Variants in ZFYVE26 observed in about 807,000 individuals in gnomAD.
ZFYVE26 encodes the protein zinc finger FYVE domain-containing protein 26.
Under a neutral mutation model 276.5 loss-of-function variants are expected in ZFYVE26, and 181 were observed. The ratio of observed to expected loss-of-function variants is 0.65; its 90% confidence interval spans 0.58 to 0.74. The LOEUF (loss-of-function observed/expected upper bound fraction) is 0.74, where lower values mean the gene tolerates loss of function less well. Ranked by LOEUF, ZFYVE26 falls within the 30% of genes least tolerant of loss-of-function variation. The pLI is 0.00. For synonymous variants in ZFYVE26, 1,129 were observed against 1,203.1 expected (o/e 0.94, Z 1.27); for missense variants, 2,821 against 3,097.9 (o/e 0.91, Z 2.12).
At chr14:67,799,740 T>C in intron 10 of ZFYVE26, 2 of 709,484 alleles carry the variant, frequency 2.8e-6, no homozygotes, top group South Asian at 1.8e-5. Context: ...ATTTTTCAGA[T>C]TGACTAGGCC....
At chr14:67,785,783 A>G (rs2039634910) in intron 18 of ZFYVE26, 75 bp downstream of exon 18, 4 of 1,601,996 alleles carry the variant, frequency 2.5e-6, no homozygotes, top group Non-Finnish European at 3.4e-6. Context: ...CTCTGCTCCA[A>G]AGTGCTTCGT....
downstream of ZFYVE26, chr14:67,746,487 G>A (rs1207785273): frequency 6.6e-6 from 1 of 152,198 alleles, no homozygotes; most frequent in Non-Finnish European, 1.5e-5. Flanking sequence ...AAGGGTAGGA[G>A]CAAGACAGCA....
intron 21 of ZFYVE26, among the ~76,000 whole-genome samples, chr14:67,782,454 GC>G (rs2039525663): frequency 6.6e-6 from 1 of 152,132 alleles, no homozygotes; most frequent in Non-Finnish European, 1.5e-5. Flanking sequence ...GTAAACACTT[GC>G]CTGAGCTCTA....
chr14:67,782,541 A>C (rs1206776159), intron 21 of ZFYVE26, among the ~76,000 whole-genome samples: 1 of 152,158 alleles, frequency 6.6e-6, no homozygotes, highest in Non-Finnish European at 1.5e-5. Flanking sequence ...TACAGTATTG[A>C]GAATACTGGT....
intron 13 of ZFYVE26, among the ~76,000 whole-genome samples, chr14:67,736,990 G>A (rs1283435354): frequency 1.3e-5 from 2 of 152,150 alleles, no homozygotes; most frequent in Non-Finnish European, 2.9e-5. Context: ...GGCATGACCT[G>A]GGTGAGGGCA....
chr14:67,789,670 T>A lies in ZFYVE26; in HGVS notation c.2756-72A>T, dbSNP rs1313711540. On this transcript the variant is annotated intron_variant, in intron 15 of 41. Transcript: ENST00000347230. ...TTACTACAACTTTTATTAGGTAAAG[T>A]AGTTACTTTCAAAATGTTTGAGGTT... 5.0e-6 allele frequency: 8 copies of A among 1,601,212 alleles called. No homozygotes were observed. The African/African-American group carries it at 1.1e-4, about 21-fold the overall frequency.
chr14:67,772,018 G>A, intron 28 of ZFYVE26, 29 bp downstream of exon 28: 1 of 1,607,686 alleles, frequency 6.2e-7, no homozygotes, highest in South Asian at 1.1e-5. Context: ...CTTCTCCTGA[G>A]GGTGACAGTG....
intron 32 of ZFYVE26, 68 bp downstream of exon 32, chr14:67,766,158 TG>T: frequency 6.9e-7 from 1 of 1,454,966 alleles, no homozygotes; most frequent in Non-Finnish European, 9.6e-7. Context: ...AAAATCACAG[TG>T]GGGTCAGAAA....
At chr14:67,729,355 G>C in exon 14 of ZFYVE26, 1 of 1,598,112 alleles carries the variant, frequency 6.3e-7, no homozygotes, top group Non-Finnish European at 8.5e-7. Context: ...TGAGGGCCTG[G>C]AGCCCCTGAG....
intron 27 of ZFYVE26, among the ~76,000 whole-genome samples, chr14:67,774,287 C>A (rs1029615844): frequency 6.6e-6 from 1 of 152,174 alleles, no homozygotes; most frequent in Non-Finnish European, 1.5e-5. Flanking sequence ...AGGTGGATCA[C>A]CTGTGGTTCG....
chr14:67,777,464 G>T, intron 25 of ZFYVE26, 95 bp downstream of exon 25: 6 of 1,590,934 alleles, frequency 3.8e-6, no homozygotes, highest in Non-Finnish European at 4.3e-6. Flanking sequence ...AGCTAGGCTC[G>T]CAGTCTCTCC....
At chr14:67,797,864 G>A (rs1594929817) in intron 11 of ZFYVE26, 109 bp from the exon 12 acceptor site, 2 of 1,569,240 alleles carry the variant, frequency 1.3e-6, no homozygotes, top group East Asian at 4.5e-5. Flanking sequence ...GAGACATGGA[G>A]CATACCCCAG....
intron 16 of ZFYVE26, among the ~76,000 whole-genome samples, chr14:67,787,505 G>A (rs1332921065): frequency 6.6e-6 from 1 of 152,178 alleles, no homozygotes; most frequent in African/African-American, 2.4e-5. Context: ...AAATGCTTGA[G>A]GGGATGGATA....
At position 67,748,026 on chromosome 14, in the gene ZFYVE26, G is replaced by A. The variant is rs931692554; in HGVS notation, c.*410C>T. On this transcript the variant is annotated 3_prime_UTR_variant, in exon 42 of 42. Coordinates refer to ENST00000347230, the MANE Select transcript of ZFYVE26 (RefSeq NM_015346.4). ...GGGGACTATACAAACAGGACAACCC[G>A]GGTCAAGAACCAAAACGCAGGGAAG... 7 of 238,124 alleles carry A rather than the reference G, an allele frequency of 2.9e-5. No individual in the cohort carries two copies. The highest frequency in any genetic ancestry group is 6.7e-5 in the African/African-American group (3 of 44,542). The allele number at this position is 238,124 out of a possible 1,614,324, so 14.8% of individuals were successfully genotyped here. A position where few individuals can be genotyped will look rare whatever the true frequency, so the allele number is the denominator to read the frequency against.
intron 3 of ZFYVE26, among the ~76,000 whole-genome samples, chr14:67,811,421 C>G (rs1311432916): frequency 6.6e-6 from 1 of 151,986 alleles, no homozygotes; most frequent in South Asian, 2.1e-4. Flanking sequence ...AAAAAACTGG[C>G]AAAATTATAG....
chr14:67,799,822 G>A (rs1389640465), intron 10 of ZFYVE26, among the ~76,000 whole-genome samples: 4 of 152,138 alleles, frequency 2.6e-5, no homozygotes, highest in Non-Finnish European at 5.9e-5. Flanking sequence ...CTCACCTGAA[G>A]GAACTTGGTG....
chr14:67,798,420 C>A lies in ZFYVE26; in HGVS notation c.1842G>T (p.Arg614Ser), dbSNP rs746012470. 1.9e-6 allele frequency: 3 copies of A among 1,613,592 alleles called. No homozygotes were observed. The highest frequency in any genetic ancestry group is 2.5e-6 in the Non-Finnish European group (3 of 1,179,576). Reference sequence around the variant, plus strand: ...TGTGCTGAGGGCTCTCTGATGGGGACCTCAAACCTGAGGGGCTCTTCCCCT... The same window carrying A: ...TGTGCTGAGGGCTCTCTGATGGGGAACTCAAACCTGAGGGGCTCTTCCCCT... ...DIEGKSPSGL[R>S]SPSESPQHIA... is the part of the protein sequence containing the mutation. Residue 614 changes from arginine (R) to serine (S), a missense_variant, in exon 11 of 42, where the codon AGG becomes AGT. Physicochemically the swap from Arg to Ser is moderately radical, Grantham distance 110. Transcript: ENST00000347230.
At chr14:67,797,820 C>A in intron 11 of ZFYVE26, 65 bp from the exon 12 acceptor site, 2 of 1,601,758 alleles carry the variant, frequency 1.2e-6, no homozygotes, top group Non-Finnish European at 1.7e-6. Flanking sequence ...CCTTTCTTGG[C>A]ATAACAGGTT....
chr14:67,752,326 G>C lies in ZFYVE26; in HGVS notation c.7371+18C>G. The C allele has an allele frequency of 6.2e-7, 1 of 1,603,468 alleles. No homozygotes were observed. Among genetic ancestry groups the C allele is most frequent in the Non-Finnish European group, 8.5e-7 (1 of 1,174,960 alleles). ...CTGAAATTGATGGAGGAGCCAAGAGGTACGGGAGGGAGTGTACCTGGGGCG... is the reference window on the plus strand; with the variant it reads ...CTGAAATTGATGGAGGAGCCAAGAGCTACGGGAGGGAGTGTACCTGGGGCG... On this transcript the variant is annotated intron_variant, in intron 40 of 41. Transcript: ENST00000347230.
Sources: allele counts gnomAD v4.1 joint callset (sites outside exome capture counted in the v4.1 genomes callset), GRCh38; gene constraint gnomAD v4.1.1; transcripts MANE v1.5; gene names NCBI Gene and HGNC (gene_info 2026-07-23, HGNC 2026-07-21).